EPG5: variants seen among roughly 807,000 people sequenced by gnomAD.
The protein encoded by EPG5 is ectopic P granules protein 5 homolog.
Under a neutral mutation model 302.7 loss-of-function variants are expected in EPG5, and 159 were observed. The observed-to-expected ratio is 0.53, with a 90% CI of 0.46 to 0.60. The LOEUF is 0.60. Ranked by LOEUF, EPG5 falls within the 20% of genes least tolerant of loss-of-function variation. The pLI is 0.00. For missense variants in EPG5, 2,896 were observed against 3,092.4 expected (o/e 0.94, Z 1.51); for synonymous variants, 1,158 against 1,136.8 (o/e 1.02, Z -0.37).
At chr18:45,910,211 G>C (rs2049859557) in intron 23 of EPG5, among the ~76,000 whole-genome samples, 1 of 151,992 alleles carries the variant, frequency 6.6e-6, no homozygotes, top group African/African-American at 2.4e-5. Context: ...CTGTCTAGCA[G>C]GCTTTAATAG....
the EPG5 span, chr18:45,836,981 C>T: frequency 1.0e-6 from 1 of 980,124 alleles, no homozygotes; most frequent in South Asian, 1.3e-5. Flanking sequence ...CTTCTCTGAG[C>T]CTCAGTTTAT....
chr18:45,842,076 G>A, the EPG5 span: 2 of 1,609,772 alleles, frequency 1.2e-6, no homozygotes, highest in Non-Finnish European at 1.7e-6. Flanking sequence ...CACCTGTTTG[G>A]ATGATCATTC....
At chr18:45,922,027 T>C (rs2050165813) in intron 16 of EPG5, among the ~76,000 whole-genome samples, 1 of 149,792 alleles carries the variant, frequency 6.7e-6, no homozygotes, top group Admixed American at 6.6e-5. Context: ...TTACTACAGG[T>C]GATCAATTAT....
intron 39 of EPG5, 88 bp downstream of exon 39, chr18:45,865,527 C>G: frequency 7.1e-7 from 1 of 1,405,052 alleles, no homozygotes. Context: ...GTGCCAGTGT[C>G]CTGAACATCC....
In EPG5 at chr18:45,922,352, A is replaced by G; in HGVS notation, c.3087T>C (p.Ala1029=). The G allele has an allele frequency of 6.2e-7, 1 of 1,614,240 alleles. No homozygotes were observed. The part of the protein sequence containing the change: ...IGCYLALSMT[A]VGHSIEKFCA... ...GCCCAACACTGTACCTGTGGCCCACAGCTGTCATAGATAAGGCTAGATAAC... is the reference window on the plus strand; with the variant it reads ...GCCCAACACTGTACCTGTGGCCCACGGCTGTCATAGATAAGGCTAGATAAC... The change falls in exon 16 of 44, where the codon GCT becomes GCC. Residue 1029 remains alanine (A), a synonymous_variant. Coordinates refer to ENST00000282041, the MANE Select transcript of EPG5 (RefSeq NM_020964.3).
chr18:45,928,385 T>C (rs765293354), intron 13 of EPG5, among the ~76,000 whole-genome samples: 53 of 152,280 alleles, frequency 3.5e-4, no homozygotes, highest in Middle Eastern at 3.4e-3. Context: ...AAGAAAACTT[T>C]TGAAAAACTA....
At chr18:45,836,233 G>A in the EPG5 span, among the ~76,000 whole-genome samples, 3 of 152,148 alleles carry the variant, frequency 2.0e-5, no homozygotes, top group Non-Finnish European at 4.4e-5. Context: ...GTGTGACTCT[G>A]AGCCTTCATT....
chr18:45,955,870 C>G (rs979985386), intron 1 of EPG5, among the ~76,000 whole-genome samples: 1 of 152,028 alleles, frequency 6.6e-6, no homozygotes, highest in Non-Finnish European at 1.5e-5. Context: ...GAGTGAGAAG[C>G]GACAATTCTT....
chr18:45,873,143 T>C (rs2048905585), intron 35 of EPG5, among the ~76,000 whole-genome samples: 1 of 152,208 alleles, frequency 6.6e-6, no homozygotes, highest in African/African-American at 2.4e-5. Flanking sequence ...TGTGAACCCT[T>C]CTGTCCTATG....
chr18:45,957,601 G>A lies in EPG5; in HGVS notation c.64-2263C>T, dbSNP rs115934369. Among the ~76,000 whole-genome samples the A allele has an allele frequency of 5.3e-3, 814 of 152,260 alleles. 5 individuals are homozygous for A. Among genetic ancestry groups the A allele is most frequent in the African/African-American group, 0.018 (760 of 41,526 alleles). Reference sequence around the variant, plus strand: ...ACATCAGGGACTCTTCATCGCTTACGGTTAAGGAGGTGAGTGGTACATCAA... The same window carrying A: ...ACATCAGGGACTCTTCATCGCTTACAGTTAAGGAGGTGAGTGGTACATCAA... On this transcript the variant is annotated intron_variant, in intron 1 of 43. Coordinates refer to ENST00000282041, the MANE Select transcript of EPG5 (RefSeq NM_020964.3).
downstream of EPG5, chr18:45,844,208 A>T (rs2048347807): frequency 6.6e-6 from 1 of 152,218 alleles, no homozygotes; most frequent in African/African-American, 2.4e-5. Context: ...TGTGGAAGCT[A>T]AAAAAAGTTG....
In EPG5 at chr18:45,930,857, AGT is replaced by A. The variant is rs781289357; in HGVS notation, c.2258-29_2258-28del. 24 of 1,559,424 alleles carry A rather than the reference AGT, an allele frequency of 1.5e-5. No homozygotes were observed. The African/African-American group carries it at 3.2e-4, about 21-fold the overall frequency. On this transcript the variant is annotated intron_variant, in intron 11 of 43. Coordinates refer to ENST00000282041, the MANE Select transcript of EPG5 (RefSeq NM_020964.3). The stretch of plus-strand genomic sequence containing the variant: ...TGCAAGTTCATATCAAGAAAATTAG[AGT>A]GGGGAAAGAATAAATTTATATCTTT...
In EPG5 at chr18:45,953,283, T is replaced by G. The variant is rs551480435; in HGVS notation, c.1009-640A>C. 42 of 984,722 alleles carry G rather than the reference T, an allele frequency of 4.3e-5. No individual in the cohort carries two copies. In the African/African-American group the frequency reaches 7.3e-4, roughly 17 times the overall value. 61.0% of individuals were successfully genotyped at this position (984,722 alleles called of 1,614,324 possible). ...CTATTTTATGAATATGAAGCCAATG[T>G]GATATCTCCAAAACTTCAAGGTATC... On this transcript the variant is annotated intron_variant, in intron 2 of 43. Transcript: ENST00000282041.
At chr18:45,947,570 C>A (rs1320678399) in intron 6 of EPG5, among the ~76,000 whole-genome samples, 7 of 152,158 alleles carry the variant, frequency 4.6e-5, no homozygotes, top group African/African-American at 1.7e-4. Context: ...CTAAACTCCT[C>A]ATTTAATTTC....
At chr18:45,942,241 C>G (rs2050683650) in intron 9 of EPG5, among the ~76,000 whole-genome samples, 1 of 151,848 alleles carries the variant, frequency 6.6e-6, no homozygotes, top group African/African-American at 2.4e-5. Context: ...AAAGAAGGGA[C>G]CCCCACCCTT....
Position 45,887,757 on chromosome 18 carries a change from C to A in EPG5, c.5103G>T (p.Leu1701Phe), listed in dbSNP as rs760993353. The change falls in exon 29 of 44, where the codon TTG becomes TTT. Residue 1701 changes from leucine (L) to phenylalanine (F), a missense_variant. Leu to Phe is a conservative substitution (Grantham distance 22). Coordinates refer to ENST00000282041, the MANE Select transcript of EPG5 (RefSeq NM_020964.3). ...RQFFTSCIEI[L>F]GQVFISGIKS... Reference sequence around the variant, plus strand: ...AAGGTACAGATAGCCTTACCTGTCCCAAGATCTCAATACATGAAGTAAAGA... The same window carrying A: ...AAGGTACAGATAGCCTTACCTGTCCAAAGATCTCAATACATGAAGTAAAGA... The A allele has an allele frequency of 1.9e-6, 3 of 1,566,534 alleles. No individual in the cohort carries two copies. Among genetic ancestry groups the A allele is most frequent in the Non-Finnish European group, 1.7e-6 (2 of 1,145,600 alleles).
At position 45,949,585 on chromosome 18, in the gene EPG5, C is replaced by T. The variant is rs370669049; in HGVS notation, c.1396G>A (p.Val466Met). Residue 466 changes from valine to methionine, a missense_variant, in exon 5 of 44, where the codon GTG becomes ATG. Val to Met is a conservative substitution (Grantham distance 21). Transcript: ENST00000282041. ...ILLWLQKLVS[V>M]LQRVGCPGDH... Reference sequence around the variant, plus strand: ...CCAGGACAGCCAACTCTTTGTAGCACGGATACCTGAACAATAAAGGTCATA... The same window carrying T: ...CCAGGACAGCCAACTCTTTGTAGCATGGATACCTGAACAATAAAGGTCATA... 46 of 1,602,960 alleles carry T rather than the reference C, an allele frequency of 2.9e-5. No homozygotes were observed. The highest frequency in any genetic ancestry group is 1.2e-4 in the African/African-American group (9 of 74,728).
chr18:45,940,211 G>T (rs1297797265), intron 9 of EPG5, among the ~76,000 whole-genome samples: 1 of 152,186 alleles, frequency 6.6e-6, no homozygotes, highest in Non-Finnish European at 1.5e-5. Flanking sequence ...AGCGCCGAGG[G>T]GTGTCAGGTA....
chr18:45,819,818 T>C, the EPG5 span, among the ~76,000 whole-genome samples: 2 of 152,338 alleles, frequency 1.3e-5, no homozygotes, highest in Middle Eastern at 6.8e-3. Context: ...TTGATGTGTA[T>C]TCCATACAGG....
Sources: gnomAD v4.1 joint callset for allele counts (sites outside exome capture counted in the v4.1 genomes callset) on GRCh38, gnomAD v4.1.1 for gene constraint, MANE v1.5 for transcripts, NCBI Gene and HGNC (gene_info 2026-07-23, HGNC 2026-07-21) for gene names.